Variants in NDUFAF6 observed in about 807,000 individuals in gnomAD.
NDUFAF6 encodes the protein NADH dehydrogenase (ubiquinone) complex I, assembly factor 6.
In NDUFAF6, 45 loss-of-function variants were observed where a neutral mutation model predicts 40.8. The ratio of observed to expected loss-of-function variants is 1.10; its 90% CI spans 0.87 to 1.42. The LOEUF (loss-of-function observed/expected upper bound fraction) is 1.42. Among genes scored for constraint, NDUFAF6 ranks in the 40% most tolerant of loss-of-function variants. NDUFAF6 has a pLI of 0.00. For synonymous variants in NDUFAF6, 185 were observed against 155.9 expected (o/e 1.19, Z -1.39); for missense variants, 435 against 418.5 (o/e 1.04, Z -0.34).
chr8:95,046,061 A>T (rs546892132), intron 5 of NDUFAF6, among the ~76,000 whole-genome samples: 2 of 144,752 alleles, frequency 1.4e-5, no homozygotes, highest in African/African-American at 5.7e-5. Context: ...ATTTTATTTT[A>T]TTTATTTTAT....
intron 2 of NDUFAF6, among the ~76,000 whole-genome samples, chr8:94,946,243 G>T (rs1821977783): frequency 6.6e-6 from 1 of 152,026 alleles, no homozygotes; most frequent in Non-Finnish European, 1.5e-5. Context: ...GAGATGCTTT[G>T]TAGGCAGAGA....
At chr8:94,989,585 A>G (rs992189570) in intron 2 of NDUFAF6, among the ~76,000 whole-genome samples, 3 of 152,206 alleles carry the variant, frequency 2.0e-5, no homozygotes, top group African/African-American at 7.2e-5. Flanking sequence ...GGTCAAACTA[A>G]TGAACTGGGG....
chr8:94,922,289 C>T (rs1377017095), intron 1 of NDUFAF6, among the ~76,000 whole-genome samples: 1 of 151,978 alleles, frequency 6.6e-6, no homozygotes, highest in African/African-American at 2.4e-5. Context: ...GAATTACAGG[C>T]ATGAACCACC....
At chr8:94,962,620 T>G (rs1823677889) in intron 1 of NDUFAF6, among the ~76,000 whole-genome samples, 1 of 149,840 alleles carries the variant, frequency 6.7e-6, no homozygotes, top group South Asian at 2.1e-4. Context: ...TTTTTTGTTT[T>G]TTTTTTTTTT....
intron 2 of NDUFAF6, among the ~76,000 whole-genome samples, chr8:95,011,863 A>G (rs534496644): frequency 6.6e-6 from 1 of 152,322 alleles, no homozygotes; most frequent in East Asian, 1.9e-4. Context: ...TCTAGTAAGT[A>G]TCTTATACTT....
At chr8:94,995,971 T>G (rs1036937452) in intron 2 of NDUFAF6, among the ~76,000 whole-genome samples, 3 of 152,104 alleles carry the variant, frequency 2.0e-5, no homozygotes, top group Admixed American at 2.0e-4. Context: ...AGAGACAGGA[T>G]TTCATCATAT....
chr8:94,905,210 T>G (rs1818315084), intron 1 of NDUFAF6, among the ~76,000 whole-genome samples: 2 of 151,938 alleles, frequency 1.3e-5, no homozygotes, highest in Admixed American at 1.3e-4. Flanking sequence ...AAAAAAAATT[T>G]TTTTCTTCTT....
At chr8:94,938,056 T>C (rs561663379) in intron 1 of NDUFAF6, among the ~76,000 whole-genome samples, 1 of 152,282 alleles carries the variant, frequency 6.6e-6, no homozygotes, top group African/African-American at 2.4e-5. Context: ...TGAATTGGGA[T>C]CAATTCATTA....
chr8:95,088,113 G>A (rs1289358717), intron 2 of NDUFAF6, among the ~76,000 whole-genome samples: 1 of 152,224 alleles, frequency 6.6e-6, no homozygotes, highest in Non-Finnish European at 1.5e-5. Flanking sequence ...CCACAGCCAG[G>A]TGCCTGCACT....
At chr8:94,943,083 T>C (rs977419144) in intron 1 of NDUFAF6, among the ~76,000 whole-genome samples, 3 of 152,258 alleles carry the variant, frequency 2.0e-5, no homozygotes, top group East Asian at 1.9e-4. Flanking sequence ...AATAATGCAG[T>C]TGGAGATGTC....
At chr8:94,956,871 A>G (rs1823122004), upstream of NDUFAF6, among the ~76,000 whole-genome samples, 1 of 152,090 alleles carries the variant, frequency 6.6e-6, no homozygotes, top group Non-Finnish European at 1.5e-5. Context: ...GAATAATGAT[A>G]CTATTAAAGG....
intron 1 of NDUFAF6, among the ~76,000 whole-genome samples, chr8:94,920,819 T>C (rs1030559600): frequency 1.3e-5 from 2 of 152,240 alleles, no homozygotes; most frequent in Admixed American, 6.5e-5. Flanking sequence ...TTTAGGGTTC[T>C]GCATTCAGCT....
upstream of NDUFAF6, among the ~76,000 whole-genome samples, chr8:94,957,640 C>T (rs1337379481): frequency 2.0e-5 from 3 of 152,200 alleles, no homozygotes; most frequent in African/African-American, 4.8e-5. Flanking sequence ...GTATTGATAG[C>T]AATAACTTCA....
rs571033558 is a variant in NDUFAF6, at chr8:95,087,157, A to G, written n.213+11405A>G. Among the ~76,000 whole-genome samples, 10 of 152,264 alleles carry G rather than the reference A, an allele frequency of 6.6e-5. No homozygotes were observed. The South Asian group carries it at 2.1e-3, about 32-fold the overall frequency. The stretch of plus-strand genomic sequence containing the variant: ...AGCTTAATGTGATGGATACACACAC[A>G]CAGGCGCTCTCATTCTTAAAGAGTA... On this transcript the variant is annotated intron_variant and non_coding_transcript_variant, in intron 2 of 5. Transcript: ENST00000523184.
At chr8:94,930,862 C>G (rs1820326536) in intron 1 of NDUFAF6, 8 of 1,058,536 alleles carry the variant, frequency 7.6e-6, no homozygotes, top group Non-Finnish European at 9.3e-6. Context: ...TCATGGCTGA[C>G]AGACAAGTTT....
chr8:94,916,840 C>T (rs13282419), intron 1 of NDUFAF6, among the ~76,000 whole-genome samples: 88,860 of 139,348 alleles, frequency 0.64, 28,611 homozygotes, highest in East Asian at 0.79. Flanking sequence ...AAAGGCCGGG[C>T]GCGGTGGCTC....
chr8:95,086,601 TTC>T, intron 2 of NDUFAF6, among the ~76,000 whole-genome samples: 1 of 108,206 alleles, frequency 9.2e-6, no homozygotes, highest in South Asian at 3.2e-4. Flanking sequence ...TTCTTTTCTT[TTC>T]TTTTTTTTTT....
At chr8:94,940,211 G>C in intron 1 of NDUFAF6, 1 of 1,609,278 alleles carries the variant, frequency 6.2e-7, no homozygotes, top group Non-Finnish European at 8.5e-7. Context: ...TGAGAAACCA[G>C]TGCAAGTATC....
intron 2 of NDUFAF6, among the ~76,000 whole-genome samples, chr8:95,007,045 T>C (rs527497469): frequency 6.6e-6 from 1 of 152,188 alleles, no homozygotes; most frequent in East Asian, 1.9e-4. Context: ...TACAACTTAT[T>C]CTTAACTATC....
Sources: gnomAD v4.1 joint callset for allele counts (sites outside exome capture counted in the v4.1 genomes callset) on GRCh38, gnomAD v4.1.1 for gene constraint, MANE v1.5 for transcripts, NCBI Gene and HGNC (gene_info 2026-07-23, HGNC 2026-07-21) for gene names.